PCDH15: variants seen among roughly 807,000 people sequenced by gnomAD.
The protein encoded by PCDH15 is protocadherin related 15.
Under a neutral mutation model 178.5 loss-of-function variants are expected in PCDH15, and 129 were observed. The observed-to-expected ratio is 0.72, with a 90% CI of 0.63 to 0.84. The LOEUF (loss-of-function observed/expected upper bound fraction) is 0.84, where lower values mean the gene tolerates loss of function less well. PCDH15 is among the 40% of genes least tolerant of loss of function. PCDH15 has a pLI of 0.00. For missense variants in PCDH15, 2,230 were observed against 2,099.9 expected, an observed-to-expected ratio of 1.06 and a Z score of -1.21; for synonymous variants, 800 against 732.0, an observed-to-expected ratio of 1.09 and a Z score of -1.50.
chr10:55,240,734 G>A (rs1235459140), intron 1 of PCDH15, among the ~76,000 whole-genome samples: 3 of 151,872 alleles, frequency 2.0e-5, no homozygotes, highest in Non-Finnish European at 4.4e-5. Context: ...ATCCTTATTC[G>A]CCTTATTACT....
chr10:55,393,925 G>C (rs1837860508), intron 2 of PCDH15, among the ~76,000 whole-genome samples: 1 of 152,084 alleles, frequency 6.6e-6, no homozygotes, highest in Admixed American at 6.6e-5. Context: ...TGGGATACAT[G>C]TTACATATAT....
chr10:55,221,167 A>G (rs1840864958), intron 1 of PCDH15, among the ~76,000 whole-genome samples: 1 of 152,108 alleles, frequency 6.6e-6, no homozygotes, highest in Admixed American at 6.5e-5. Flanking sequence ...ACACTCACAC[A>G]TACATTGCAC....
At chr10:53,905,817 T>C (rs1014570601) in intron 25 of PCDH15, among the ~76,000 whole-genome samples, 4 of 152,088 alleles carry the variant, frequency 2.6e-5, no homozygotes, top group African/African-American at 9.7e-5. Context: ...AATATGATTA[T>C]ATAACCTGAA....
chr10:55,498,110 G>A (rs1298610163), intron 2 of PCDH15, among the ~76,000 whole-genome samples: 1 of 151,802 alleles, frequency 6.6e-6, no homozygotes, highest in Non-Finnish European at 1.5e-5. Flanking sequence ...GGCAATTGAA[G>A]AATGCAATTA....
intron 2 of PCDH15, among the ~76,000 whole-genome samples, chr10:55,126,807 C>G (rs1837911313): frequency 6.6e-6 from 1 of 151,888 alleles, no homozygotes; most frequent in South Asian, 2.1e-4. Context: ...ACACAAAGGA[C>G]AAACTTTGTA....
intron 2 of PCDH15, among the ~76,000 whole-genome samples, chr10:55,613,987 G>C (rs927121315): frequency 6.6e-6 from 1 of 151,934 alleles, no homozygotes; most frequent in African/African-American, 2.4e-5. Context: ...GGTGGTGGGT[G>C]CCTGTAGTCC....
At chr10:53,829,371 T>A (rs2076888321) in intron 30 of PCDH15, among the ~76,000 whole-genome samples, 1 of 152,204 alleles carries the variant, frequency 6.6e-6, no homozygotes, top group African/African-American at 2.4e-5. Flanking sequence ...CTACCTTGTA[T>A]AACATCCAGA....
intron 13 of PCDH15, among the ~76,000 whole-genome samples, chr10:54,182,229 A>G (rs1257057869): frequency 6.6e-6 from 1 of 152,160 alleles, no homozygotes; most frequent in African/African-American, 2.4e-5. Context: ...GGCCTCCCAA[A>G]GTGCTAGGAT....
At chr10:53,820,893 G>GTGAT (rs953115548) in intron 32 of PCDH15, among the ~76,000 whole-genome samples, 1 of 151,960 alleles carries the variant, frequency 6.6e-6, no homozygotes, top group African/African-American at 2.4e-5. Context: ...AGGTAAAAGA[G>GTGAT]TGATTGATAG....
intron 2 of PCDH15, among the ~76,000 whole-genome samples, chr10:54,586,973 CT>C (rs1217489600): frequency 2.0e-5 from 3 of 151,652 alleles, no homozygotes; most frequent in African/African-American, 7.3e-5. Context: ...CATATTTTTG[CT>C]TTTTTTTAAG....
chr10:53,822,070 C>G (rs767706131), intron 32 of PCDH15: 1 of 1,614,042 alleles, frequency 6.2e-7, no homozygotes, highest in East Asian at 2.2e-5. Flanking sequence ...AAGTTTTTAA[C>G]GTGTCTGAGG....
chr10:54,079,399 C>T lies in PCDH15; in HGVS notation c.2023G>A (p.Ala675Thr). ...ETTGILTLGK[A>T]LDRESTDRYI... ...CGATCAGTGCTTTCCCTGTCCAGTG[C>T]TTTCCCTAAGGTTAGAATCCCCGTG... Residue 675 changes from alanine (A) to threonine (T), a missense_variant, in exon 17 of 38, where the codon GCA (alanine) becomes ACA (threonine). Physicochemically the swap from Ala to Thr is moderately conservative, Grantham distance 58. Transcript: ENST00000644397. The T allele has an allele frequency of 6.2e-7, 1 of 1,614,094 alleles. No individual in the cohort carries two copies. The highest frequency in any genetic ancestry group is 1.1e-5 in the South Asian group (1 of 91,074).
chr10:54,256,201 G>A (rs1453456825), intron 8 of PCDH15, among the ~76,000 whole-genome samples: 5 of 152,148 alleles, frequency 3.3e-5, no homozygotes, highest in Non-Finnish European at 7.4e-5. Context: ...AGAAGAAGTT[G>A]CCTCTGGAGA....
intron 2 of PCDH15, among the ~76,000 whole-genome samples, chr10:54,916,448 T>C (rs531175511): frequency 6.6e-6 from 1 of 152,330 alleles, no homozygotes; most frequent in East Asian, 1.9e-4. Context: ...ATATCATTCC[T>C]CATCTGGTAT....
intron 37 of PCDH15, chr10:53,808,427 T>C (rs934635991): frequency 1.2e-5 from 14 of 1,178,340 alleles, no homozygotes; most frequent in Middle Eastern, 3.4e-4. Context: ...ATCCTACCAG[T>C]AAATATTAAA....
At chr10:54,100,295 G>A (rs1435405617) in intron 15 of PCDH15, among the ~76,000 whole-genome samples, 1 of 151,688 alleles carries the variant, frequency 6.6e-6, no homozygotes, top group African/African-American at 2.4e-5. Context: ...AACCCGGGAG[G>A]CAGAGGTTAC....
chr10:54,240,786 C>T (rs1423038569), intron 8 of PCDH15, among the ~76,000 whole-genome samples: 5 of 151,934 alleles, frequency 3.3e-5, no homozygotes, highest in Middle Eastern at 3.4e-3. Context: ...CGCCCGCCAC[C>T]ACGCCCGGCT....
intron 2 of PCDH15, among the ~76,000 whole-genome samples, chr10:55,463,907 AAG>A (rs1335877054): frequency 8.5e-5 from 1 of 11,738 alleles, no homozygotes; most frequent in Non-Finnish European, 1.2e-4. Flanking sequence ...GAGAGAAAGA[AAG>A]AAAGAAAGAA....
chr10:54,344,641 G>T (rs142505479), intron 6 of PCDH15, among the ~76,000 whole-genome samples: 1 of 151,770 alleles, frequency 6.6e-6, no homozygotes. Flanking sequence ...GAAACATGGC[G>T]CACACGTACA....
Sources: gnomAD v4.1 joint callset for allele counts (sites outside exome capture counted in the v4.1 genomes callset) on GRCh38, gnomAD v4.1.1 for gene constraint, MANE v1.5 for transcripts, NCBI Gene and HGNC (gene_info 2026-07-23, HGNC 2026-07-21) for gene names.